IFT80: variants seen among roughly 807,000 people sequenced by gnomAD.
IFT80 encodes the protein intraflagellar transport protein 80 homolog.
In IFT80, 79 loss-of-function variants were observed where a neutral mutation model predicts 107.9. That is an observed-to-expected ratio of 0.73 (90% confidence interval 0.61 to 0.88). The LOEUF is 0.88. Among genes scored for constraint, IFT80 ranks in the 40% least tolerant of loss-of-function variants. IFT80 has a pLI of 0.00. For missense variants in IFT80, 797 were observed against 914.2 expected, an observed-to-expected ratio of 0.87 and a Z score of 1.65; for synonymous variants, 299 against 300.9, an observed-to-expected ratio of 0.99 and a Z score of 0.07.
intron 2 of IFT80, 148 bp downstream of exon 2, chr3:160,384,416 C>G: frequency 7.4e-7 from 1 of 1,352,480 alleles, no homozygotes. Flanking sequence ...AACACATGAT[C>G]TTAAATACTT....
At chr3:160,262,916 T>C (rs1712976616) in intron 19 of IFT80, among the ~76,000 whole-genome samples, 1 of 152,188 alleles carries the variant, frequency 6.6e-6, no homozygotes, top group Non-Finnish European at 1.5e-5. Flanking sequence ...TAGCTTCAAC[T>C]ATACCTAGAT....
At chr3:160,350,403 A>T (rs1431018240) in intron 8 of IFT80, among the ~76,000 whole-genome samples, 1 of 136,192 alleles carries the variant, frequency 7.3e-6, no homozygotes, top group Non-Finnish European at 1.6e-5. Context: ...GTGACAGAGC[A>T]AGACTCTGTC....
intron 8 of IFT80, among the ~76,000 whole-genome samples, chr3:160,344,012 A>G (rs1720104989): frequency 1.3e-5 from 2 of 152,216 alleles, no homozygotes; most frequent in Non-Finnish European, 2.9e-5. Context: ...AGCTCTTGAC[A>G]GATTTTACCA....
intron 19 of IFT80, among the ~76,000 whole-genome samples, chr3:160,266,563 T>C (rs1559909395): frequency 6.6e-6 from 1 of 152,032 alleles, no homozygotes; most frequent in East Asian, 1.9e-4. Context: ...TTTAAATTTT[T>C]TGTACAGATG....
intron 8 of IFT80, among the ~76,000 whole-genome samples, chr3:160,342,425 T>C (rs1412233604): frequency 1.3e-5 from 2 of 152,190 alleles, no homozygotes; most frequent in African/African-American, 4.8e-5. Flanking sequence ...AGAGACTATT[T>C]TTTTCCTTCT....
rs142830424 is a variant in IFT80 at position 160,383,538 on chromosome 3, G to A, written c.37+1026C>T. On this transcript the variant is annotated intron_variant, in intron 2 of 19. Coordinates refer to ENST00000326448, the MANE Select transcript of IFT80 (RefSeq NM_020800.3). ...CGAATCCATTGCATATGGATATTTCGTAAGATACAATAAAAATAAAATATT... is the reference window on the plus strand; with the variant it reads ...CGAATCCATTGCATATGGATATTTCATAAGATACAATAAAAATAAAATATT... The A allele has an allele frequency of 2.3e-3, 1,804 of 772,446 alleles. 37 individuals are homozygous for A. The African/African-American group carries it at 0.032, about 14-fold the overall frequency. The allele number at this position is 772,446 out of a possible 1,614,324, so 47.8% of individuals were successfully genotyped here. A position where few individuals can be genotyped will look rare whatever the true frequency, so the allele number is the denominator to read the frequency against.
Position 160,258,276 on chromosome 3 carries a change from C to A in IFT80, c.*249G>T. 1 of 512,974 alleles carries A rather than the reference C, an allele frequency of 1.9e-6. No homozygotes were observed. Among genetic ancestry groups the A allele is most frequent in the Admixed American group, 3.4e-5 (1 of 29,722 alleles). The allele number at this position is 512,974 out of a possible 1,614,324, so 31.8% of individuals were successfully genotyped here. On this transcript the variant is annotated 3_prime_UTR_variant, in exon 20 of 20. Coordinates refer to ENST00000326448, the MANE Select transcript of IFT80 (RefSeq NM_020800.3). ...GGGCAAAAAACTGACATATAATCGA[C>A]ACTACACAGGTATCTCTTAAGTACA...
Position 160,280,702 on chromosome 3 carries a change from G to A in IFT80, c.1629C>T (p.Asp543=). The change falls in exon 15 of 20, where the codon GAC becomes GAT. Residue 543 remains aspartate (D), a synonymous_variant. Transcript: ENST00000326448. ...YYPNTVYVDR[D]ILPKTLYERD... ...TTTCATATAATGTTTTAGGCAAAAT[G>A]TCTCTGTCCACATAAACTGTATTGG... The A allele has an allele frequency of 6.2e-7, 1 of 1,612,792 alleles. No homozygotes were observed. The highest frequency in any genetic ancestry group is 2.2e-5 in the East Asian group (1 of 44,790).
intron 8 of IFT80, among the ~76,000 whole-genome samples, chr3:160,325,284 A>G (rs995988158): frequency 1.9e-4 from 29 of 152,176 alleles, no homozygotes; most frequent in African/African-American, 7.0e-4. Context: ...AAACTACTTT[A>G]AAGTTCATAT....
In IFT80 at chr3:160,390,417, C is replaced by CA. The variant is rs1289410578; in HGVS notation, c.-46-5772dup. Among the ~76,000 whole-genome samples the CA allele has an allele frequency of 9.2e-3, 1,000 of 108,192 alleles. 17 individuals are homozygous for CA. The highest frequency in any genetic ancestry group is 0.028 in the African/African-American group (845 of 30,004). The allele number at this position is 108,192 out of a possible 152,430, so 71.0% of individuals were successfully genotyped here. On this transcript the variant is annotated intron_variant, in intron 1 of 19. Coordinates refer to ENST00000326448, the MANE Select transcript of IFT80 (RefSeq NM_020800.3). ...GGGCAACAAGAGTGAAATTCCGTCT[C>CA]AAAAAAAAAAAAAGAAAAAGAAAAG...
chr3:160,380,036 CTTT>C (rs11325261), intron 3 of IFT80, among the ~76,000 whole-genome samples: 11 of 134,142 alleles, frequency 8.2e-5, no homozygotes, highest in Admixed American at 7.5e-5. Flanking sequence ...GTCTTTTTTT[CTTT>C]TTTTTTTTTT....
At chr3:160,262,078 T>C (rs1031769858) in intron 19 of IFT80, among the ~76,000 whole-genome samples, 5 of 152,114 alleles carry the variant, frequency 3.3e-5, no homozygotes, top group Admixed American at 1.3e-4. Context: ...AAATATAATT[T>C]CTCCTCAACG....
At chr3:160,275,773 A>G (rs899655355) in intron 18 of IFT80, among the ~76,000 whole-genome samples, 2 of 152,152 alleles carry the variant, frequency 1.3e-5, no homozygotes, top group Non-Finnish European at 2.9e-5. Flanking sequence ...CCATTTCTCT[A>G]TTAGCTGGGT....
At chr3:160,270,561 A>G (rs1407200701) in intron 18 of IFT80, among the ~76,000 whole-genome samples, 1 of 152,120 alleles carries the variant, frequency 6.6e-6, no homozygotes, top group Admixed American at 6.6e-5. Context: ...AAATTCCCTC[A>G]TTCCTCTGTG....
At chr3:160,314,307 A>G (rs1234310928) in intron 9 of IFT80, among the ~76,000 whole-genome samples, 2 of 152,290 alleles carry the variant, frequency 1.3e-5, no homozygotes, top group East Asian at 3.9e-4. Context: ...ACTTTGGGAC[A>G]CTAGAAATGC....
chr3:160,378,554 G>A (rs887193616), intron 3 of IFT80, among the ~76,000 whole-genome samples: 2 of 151,578 alleles, frequency 1.3e-5, no homozygotes, highest in African/African-American at 4.8e-5. Context: ...TGGCTGATTT[G>A]GGGGCTGGGA....
intron 8 of IFT80, among the ~76,000 whole-genome samples, chr3:160,329,519 C>T (rs1718930400): frequency 6.6e-6 from 1 of 152,138 alleles, no homozygotes. Flanking sequence ...TTTCACCACT[C>T]TCCAGAGGCA....
intron 18 of IFT80, chr3:160,274,569 G>A (rs974001363): frequency 6.6e-6 from 1 of 152,170 alleles, no homozygotes; most frequent in East Asian, 1.9e-4. Flanking sequence ...TCTTCAGGAA[G>A]TATATAATCT....
chr3:160,310,511 G>C (rs1717162256), intron 9 of IFT80, among the ~76,000 whole-genome samples: 1 of 152,164 alleles, frequency 6.6e-6, no homozygotes, highest in African/African-American at 2.4e-5. Flanking sequence ...GGCAAACAAA[G>C]TCTTTTATAG....
Sources: gnomAD v4.1 joint callset for allele counts (sites outside exome capture counted in the v4.1 genomes callset) on GRCh38, gnomAD v4.1.1 for gene constraint, MANE v1.5 for transcripts, NCBI Gene and HGNC (gene_info 2026-07-23, HGNC 2026-07-21) for gene names.